The following NRXN1 variants were observed in gnomAD, a reference collection of about 807,000 sequenced individuals.
The protein encoded by NRXN1 is neurexin 1.
In NRXN1, 39 loss-of-function variants were observed where a neutral mutation model predicts 150.9. The ratio of observed to expected loss-of-function variants is 0.26; its 90% CI spans 0.20 to 0.34. The LOEUF is 0.34. Ranked by LOEUF, NRXN1 falls within the 10% of genes least tolerant of loss-of-function variation. The pLI is 1.00. For synonymous variants in NRXN1, 924 were observed against 757.0 expected, an observed-to-expected ratio of 1.22 and a Z score of -3.62; for missense variants, 1,815 against 1,949.9, an observed-to-expected ratio of 0.93 and a Z score of 1.30.
intron 21 of NRXN1, among the ~76,000 whole-genome samples, chr2:49,977,364 G>A (rs2152503144): frequency 6.6e-6 from 1 of 152,208 alleles, no homozygotes; most frequent in South Asian, 2.1e-4. Context: ...AGTGGATAGT[G>A]GCCAAGAATG....
intron 19 of NRXN1, among the ~76,000 whole-genome samples, chr2:50,064,381 T>G (rs1695027731): frequency 6.6e-6 from 1 of 151,966 alleles, no homozygotes. Context: ...TGAGGTGAGC[T>G]CTACTGTGGT....
chr2:50,693,774 C>T (rs889324123), intron 5 of NRXN1, among the ~76,000 whole-genome samples: 2 of 152,092 alleles, frequency 1.3e-5, no homozygotes, highest in African/African-American at 2.4e-5. Context: ...TACTTCATAG[C>T]ATTTAATTAA....
chr2:49,981,919 CAA>C (rs1301870869), intron 21 of NRXN1, among the ~76,000 whole-genome samples: 1 of 152,038 alleles, frequency 6.6e-6, no homozygotes, highest in African/African-American at 2.4e-5. Context: ...ATTAAAAATG[CAA>C]AGTGTCTGGA....
chr2:50,561,681 G>A (rs1558939775), intron 8 of NRXN1, among the ~76,000 whole-genome samples: 1 of 152,162 alleles, frequency 6.6e-6, no homozygotes, highest in Non-Finnish European at 1.5e-5. Context: ...AGGAACTGGA[G>A]CTTATTTAAA....
intron 22 of NRXN1, among the ~76,000 whole-genome samples, chr2:49,933,095 G>T (rs1169669545): frequency 6.6e-6 from 1 of 151,854 alleles, no homozygotes; most frequent in East Asian, 1.9e-4. Flanking sequence ...TTTTGTTTTT[G>T]TTTTTGTTTG....
chr2:50,495,780 T>C (rs2091569407), intron 15 of NRXN1, 125 bp downstream of exon 15: 3 of 683,664 alleles, frequency 4.4e-6, no homozygotes, highest in Non-Finnish European at 6.9e-6. Flanking sequence ...GTTAATTATG[T>C]GCTGAAAATG....
intron 5 of NRXN1, among the ~76,000 whole-genome samples, chr2:50,730,987 T>A (rs986020903): frequency 6.6e-6 from 1 of 152,174 alleles, no homozygotes; most frequent in Middle Eastern, 3.2e-3. Flanking sequence ...CTTATCTTTC[T>A]TACTGTGATT....
chr2:49,963,628 T>C lies in NRXN1; in HGVS notation c.4129-19837A>G, dbSNP rs190152784. Among the ~76,000 whole-genome samples, 3 of 152,286 alleles carry C rather than the reference T, an allele frequency of 2.0e-5. No homozygotes were observed. In the East Asian group the frequency reaches 5.8e-4, roughly 29 times the overall value. On this transcript the variant is annotated intron_variant, in intron 21 of 22. Coordinates refer to ENST00000401669, the MANE Select transcript of NRXN1 (RefSeq NM_001330078.2). Reference sequence around the variant, plus strand: ...TAAAAGAAGCAAAAGACTTTACTCCTGGTAAACACCAAACCTTCAGACACA... The same window carrying C: ...TAAAAGAAGCAAAAGACTTTACTCCCGGTAAACACCAAACCTTCAGACACA...
chr2:50,414,020 A>G (rs2083367115), intron 17 of NRXN1, among the ~76,000 whole-genome samples: 1 of 119,794 alleles, frequency 8.3e-6, no homozygotes, highest in African/African-American at 3.2e-5. Flanking sequence ...AAGAATGGTT[A>G]CCAGAGGCTG....
At chr2:50,458,517 A>G (rs2087817935) in intron 17 of NRXN1, among the ~76,000 whole-genome samples, 1 of 152,152 alleles carries the variant, frequency 6.6e-6, no homozygotes, top group Non-Finnish European at 1.5e-5. Context: ...ATCATTACAC[A>G]TTGTGTGCTT....
intron 18 of NRXN1, among the ~76,000 whole-genome samples, chr2:50,162,239 T>C (rs1056527609): frequency 1.3e-5 from 2 of 152,130 alleles, no homozygotes; most frequent in African/African-American, 4.8e-5. Context: ...TATATAGTGT[T>C]AAGGAAAAAA....
intron 18 of NRXN1, among the ~76,000 whole-genome samples, chr2:50,160,706 G>A (rs1196339542): frequency 2.0e-5 from 3 of 152,074 alleles, no homozygotes; most frequent in Non-Finnish European, 4.4e-5. Flanking sequence ...TATTCTTAGT[G>A]GTGCTTGTCA....
intron 2 of NRXN1, among the ~76,000 whole-genome samples, chr2:50,976,526 G>T (rs1029388449): frequency 5.3e-5 from 8 of 151,826 alleles, no homozygotes; most frequent in African/African-American, 1.9e-4. Context: ...TTAAACACAT[G>T]AAATGAAGAT....
At chr2:50,304,449 T>C (rs918221886) in intron 17 of NRXN1, among the ~76,000 whole-genome samples, 7 of 152,206 alleles carry the variant, frequency 4.6e-5, no homozygotes, top group African/African-American at 1.7e-4. Flanking sequence ...CAACGAACTA[T>C]AGGTATATGT....
intron 15 of NRXN1, among the ~76,000 whole-genome samples, chr2:50,478,369 G>T (rs10211401): frequency 0.033 from 5,025 of 152,112 alleles, 274 homozygotes; most frequent in African/African-American, 0.11. Context: ...AATGAACAAT[G>T]AAAACTATAC....
chr2:50,101,850 T>C (rs536609991), intron 18 of NRXN1, among the ~76,000 whole-genome samples: 1 of 152,084 alleles, frequency 6.6e-6, no homozygotes, highest in African/African-American at 2.4e-5. Context: ...TGGACTGACT[T>C]CCTAATGATG....
chr2:50,720,139 G>C (rs1227707868), intron 5 of NRXN1, among the ~76,000 whole-genome samples: 1 of 151,858 alleles, frequency 6.6e-6, no homozygotes, highest in Non-Finnish European at 1.5e-5. Flanking sequence ...CTGATTTTTG[G>C]ATCAGAACAT....
chr2:49,987,340 C>G (rs73930967), intron 21 of NRXN1, among the ~76,000 whole-genome samples: 4,076 of 152,230 alleles, frequency 0.027, 110 homozygotes, highest in African/African-American at 0.069. Flanking sequence ...TTTCCCCTGT[C>G]CTAAGCCTTG....
At chr2:50,536,263 A>G (rs2093256695) in intron 10 of NRXN1, among the ~76,000 whole-genome samples, 1 of 152,214 alleles carries the variant, frequency 6.6e-6, no homozygotes, top group Non-Finnish European at 1.5e-5. Flanking sequence ...TGGGTAGTCC[A>G]GTAACAAGAA....
Sources: gnomAD v4.1 joint callset for allele counts (sites outside exome capture counted in the v4.1 genomes callset) on GRCh38, gnomAD v4.1.1 for gene constraint, MANE v1.5 for transcripts, NCBI Gene and HGNC (gene_info 2026-07-23, HGNC 2026-07-21) for gene names.